The following SLC30A9 variants were observed in gnomAD, a reference collection of about 807,000 sequenced individuals.
SLC30A9 encodes the protein solute carrier family 30 member 9.
Under a neutral mutation model 87.5 loss-of-function variants are expected in SLC30A9, and 58 were observed. The ratio of observed to expected loss-of-function variants is 0.66; its 90% CI spans 0.54 to 0.82. The LOEUF (loss-of-function observed/expected upper bound fraction) is 0.82, where lower values mean the gene tolerates loss of function less well. Ranked by LOEUF, SLC30A9 falls within the 40% of genes least tolerant of loss-of-function variation. SLC30A9 has a pLI of 0.00. For synonymous variants in SLC30A9, 234 were observed against 233.0 expected, an observed-to-expected ratio of 1.00 and a Z score of -0.04; for missense variants, 557 against 679.1, an observed-to-expected ratio of 0.82 and a Z score of 2.00.
At chr4:42,070,439 T>G (rs1718264724) in intron 14 of SLC30A9, 87 bp from the exon 15 acceptor site, 2 of 1,012,824 alleles carry the variant, frequency 2.0e-6, no homozygotes, top group African/African-American at 3.2e-5. Flanking sequence ...TGCCTTGATT[T>G]ACTCGTTCTG....
At position 42,078,399 on chromosome 4, in the gene SLC30A9, C is replaced by CT. The variant is rs1718640499; in HGVS notation, c.1662+75dup. ...TTGAGTACTTACTCTACAGCAGACA[C>CT]TAAGTGCATCCATCACATGCATGCT... On this transcript the variant is annotated intron_variant, in intron 17 of 17. Coordinates refer to ENST00000264451, the MANE Select transcript of SLC30A9 (RefSeq NM_006345.4). 1.5e-5 allele frequency: 11 copies of CT among 736,904 alleles called. No homozygotes were observed. The South Asian group carries it at 1.6e-4, about 11-fold the overall frequency. 45.6% of individuals were successfully genotyped at this position (736,904 alleles called of 1,614,324 possible). A position where few individuals can be genotyped will look rare whatever the true frequency, so the allele number is the denominator to read the frequency against.
At chr4:42,046,966 A>G (rs1343706744) in intron 8 of SLC30A9, among the ~76,000 whole-genome samples, 1 of 152,238 alleles carries the variant, frequency 6.6e-6, no homozygotes, top group Non-Finnish European at 1.5e-5. Context: ...CAAACCTGAC[A>G]AAAGCAATGG....
intron 9 of SLC30A9, among the ~76,000 whole-genome samples, chr4:42,052,468 C>T (rs1240202005): frequency 6.6e-6 from 1 of 152,200 alleles, no homozygotes; most frequent in East Asian, 1.9e-4. Context: ...AATCTTGAAA[C>T]AAGAAATTTG....
chr4:42,076,991 C>A (rs1033492580), intron 16 of SLC30A9, among the ~76,000 whole-genome samples: 9 of 142,922 alleles, frequency 6.3e-5, no homozygotes, highest in Non-Finnish European at 1.1e-4. Context: ...AGAAACAATG[C>A]CATGATTGCA....
At chr4:42,020,357 C>A in intron 3 of SLC30A9, 59 bp from the exon 4 acceptor site, 1 of 794,888 alleles carries the variant, frequency 1.3e-6, no homozygotes, top group Non-Finnish European at 2.1e-6. Flanking sequence ...AGCCTATATT[C>A]ATCTTCACAT....
At chr4:42,083,749 GTTTCA>G (rs550997697) in intron 17 of SLC30A9, among the ~76,000 whole-genome samples, 13 of 152,054 alleles carry the variant, frequency 8.5e-5, no homozygotes, top group Non-Finnish European at 1.9e-4. Context: ...ATACAATTTA[GTTTCA>G]TTTCTGTTTG....
rs761636832 is a variant in SLC30A9, at chr4:42,020,401, C to G, written c.335-15C>G. On this transcript the variant is annotated splice_polypyrimidine_tract_variant and intron_variant, in intron 3 of 17. Transcript: ENST00000264451. ...CAATGTGCATATTTATTATGTTTTCCTGTTTTTTGTTTAGTTAAAGCAGTC... is the reference window on the plus strand; with the variant it reads ...CAATGTGCATATTTATTATGTTTTCGTGTTTTTTGTTTAGTTAAAGCAGTC... 18 of 1,231,680 alleles carry G rather than the reference C, an allele frequency of 1.5e-5. No homozygotes were observed. Among genetic ancestry groups the G allele is most frequent in the South Asian group, 2.6e-5 (2 of 76,610 alleles). 76.3% of individuals were successfully genotyped at this position (1,231,680 alleles called of 1,614,324 possible).
chr4:42,063,048 T>C lies in SLC30A9; in HGVS notation c.959T>C (p.Met320Thr), dbSNP rs369354141. The change falls in exon 11 of 18, where the codon ATG becomes ACG. Residue 320 changes from methionine to threonine, a missense_variant. By Grantham distance (81) the Met-to-Thr change is moderately conservative (BLOSUM62 -1). Coordinates refer to ENST00000264451, the MANE Select transcript of SLC30A9 (RefSeq NM_006345.4). ...SLISGVGIFM[M>T]GAGLSWYHGV... is the part of the protein sequence containing the mutation. ...ATTAGTGGTGTTGGTATTTTCATGA[T>C]GGGTGCAGGACTATCTTGGTACCAT... The C allele has an allele frequency of 1.2e-6, 2 of 1,613,294 alleles. No homozygotes were observed. Among genetic ancestry groups the C allele is most frequent in the African/African-American group, 1.3e-5 (1 of 74,914 alleles).
In SLC30A9 at chr4:42,047,438, C is replaced by G. The variant is rs183757616; in HGVS notation, c.738-1939C>G. Among the ~76,000 whole-genome samples the G allele has an allele frequency of 4.6e-5, 7 of 152,296 alleles. 1 individual carries two copies. The East Asian group carries it at 1.3e-3, about 29-fold the overall frequency. Reference sequence around the variant, plus strand: ...GTGAAGGATATGAACAGACACTTCTCAAAAGAAGATATTTATGCAGCCAAC... The same window carrying G: ...GTGAAGGATATGAACAGACACTTCTGAAAAGAAGATATTTATGCAGCCAAC... On this transcript the variant is annotated intron_variant, in intron 8 of 17. Transcript: ENST00000264451.
At chr4:42,004,817 A>T (rs887619875) in intron 2 of SLC30A9, among the ~76,000 whole-genome samples, 6 of 151,596 alleles carry the variant, frequency 4.0e-5, no homozygotes, top group African/African-American at 1.5e-4. Flanking sequence ...ACGCCCAGCT[A>T]ATTTATTTTT....
chr4:42,030,153 T>A (rs1252069708), intron 6 of SLC30A9: 2 of 830,506 alleles, frequency 2.4e-6, no homozygotes, highest in Non-Finnish European at 1.7e-6. Context: ...CCGCTAGCCA[T>A]TTAATAAGTT....
Position 42,048,773 on chromosome 4 carries a change from A to G in SLC30A9, c.738-604A>G, listed in dbSNP as rs979408624. Among the ~76,000 whole-genome samples the G allele has an allele frequency of 4.6e-5, 7 of 152,140 alleles. 1 individual carries two copies. The highest frequency in any genetic ancestry group is 1.7e-4 in the African/African-American group (7 of 41,442). ...CCTAAAACACATAATTTTCTTTTAC[A>G]TTTTATCTTGTCCACATATAGAAGA... is the stretch of plus-strand genomic sequence containing the variant. On this transcript the variant is annotated intron_variant, in intron 8 of 17. Transcript: ENST00000264451.
chr4:42,065,992 C>T (rs914079674), intron 12 of SLC30A9, among the ~76,000 whole-genome samples: 1 of 152,034 alleles, frequency 6.6e-6, no homozygotes, highest in African/African-American at 2.4e-5. Flanking sequence ...TATTTACTGG[C>T]TCTTGTGAGA....
At position 42,087,485 on chromosome 4, in the gene SLC30A9, A is replaced by G. The variant is rs1306261988; in HGVS notation, c.*1359A>G. On this transcript the variant is annotated 3_prime_UTR_variant, in exon 18 of 18. Coordinates refer to ENST00000264451, the MANE Select transcript of SLC30A9 (RefSeq NM_006345.4). The stretch of plus-strand genomic sequence containing the variant: ...AAATCTATGAATTATTGCAAATTGT[A>G]ATGCTGGAAACAAAAAATAAATCCT... 1.3e-5 allele frequency: 2 copies of G among 152,140 alleles called. No individual in the cohort carries two copies. The highest frequency in any genetic ancestry group is 2.9e-5 in the Non-Finnish European group (2 of 68,022). The allele number at this position is 152,140 out of a possible 1,614,324, so 9.4% of individuals were successfully genotyped here.
Position 42,086,402 on chromosome 4 carries a change from T to G in SLC30A9, c.*276T>G. The G allele has an allele frequency of 3.5e-6, 1 of 289,550 alleles. No individual in the cohort carries two copies. Among genetic ancestry groups the G allele is most frequent in the Non-Finnish European group, 6.4e-6 (1 of 157,210 alleles). 17.9% of individuals were successfully genotyped at this position (289,550 alleles called of 1,614,324 possible). Reference sequence around the variant, plus strand: ...TTTTGGTTATTTAAATTGTTCATAATGTCCCATATTTCACCTGTTCAGTGT... The same window carrying G: ...TTTTGGTTATTTAAATTGTTCATAAGGTCCCATATTTCACCTGTTCAGTGT... On this transcript the variant is annotated 3_prime_UTR_variant, in exon 18 of 18. Transcript: ENST00000264451.
intron 2 of SLC30A9, among the ~76,000 whole-genome samples, chr4:42,006,520 C>G (rs935721253): frequency 6.6e-6 from 1 of 152,006 alleles, no homozygotes; most frequent in African/African-American, 2.4e-5. Context: ...AACTCTGTCT[C>G]TACAAAAGAT....
intron 6 of SLC30A9, among the ~76,000 whole-genome samples, chr4:42,024,984 A>T (rs1716125023): frequency 6.6e-6 from 1 of 152,210 alleles, no homozygotes; most frequent in African/African-American, 2.4e-5. Context: ...ATATTTTCTA[A>T]CAGTCTATCT....
chr4:41,991,717 A>G (rs1714449595), intron 1 of SLC30A9, among the ~76,000 whole-genome samples: 1 of 152,188 alleles, frequency 6.6e-6, no homozygotes, highest in African/African-American at 2.4e-5. Flanking sequence ...CAATAGTTCT[A>G]GGCTAGCCTT....
intron 8 of SLC30A9, among the ~76,000 whole-genome samples, chr4:42,047,497 A>C (rs1717210521): frequency 1.3e-5 from 2 of 152,250 alleles, no homozygotes; most frequent in Admixed American, 1.3e-4. Flanking sequence ...ATCACTGGTC[A>C]TTAGAGAAAT....
Sources: allele counts gnomAD v4.1 joint callset (sites outside exome capture counted in the v4.1 genomes callset), GRCh38; gene constraint gnomAD v4.1.1; transcripts MANE v1.5; gene names NCBI Gene and HGNC (gene_info 2026-07-23, HGNC 2026-07-21).